The following CRTC1 variants were observed in gnomAD, a reference collection of about 807,000 sequenced individuals.
The protein encoded by CRTC1 is CREB regulated transcription coactivator 1.
A neutral mutation model predicts 66.1 loss-of-function variants in CRTC1; 18 were observed. The observed-to-expected ratio is 0.27, with a 90% CI of 0.19 to 0.40. The LOEUF (loss-of-function observed/expected upper bound fraction) is 0.40. CRTC1 is among the 10% of genes least tolerant of loss of function. The probability of loss-of-function intolerance (pLI) is 1.00; values close to 1 mark genes in which losing one functional copy is unlikely to be tolerated. For synonymous variants in CRTC1, 416 were observed against 398.8 expected, an observed-to-expected ratio of 1.04 and a Z score of -0.51; for missense variants, 669 against 887.9, an observed-to-expected ratio of 0.75 and a Z score of 3.13.
At chr19:18,772,461 AGCAGCCACTGCTGTGCCCGGGGCCCT>A (rs2054891285) in intron 11 of CRTC1, among the ~76,000 whole-genome samples, 1 of 152,176 alleles carries the variant, frequency 6.6e-6, no homozygotes, top group Non-Finnish European at 1.5e-5. Context: ...AGAAACCCCT[AGCAGCCACTGCTGTGCCCGGGGCCCT>A]GAAGCCATCC....
At position 18,709,221 on chromosome 19, in the gene CRTC1, A is replaced by G. The variant is rs112350612; in HGVS notation, c.126+25393A>G. Among the ~76,000 whole-genome samples, 17 of 152,216 alleles carry G rather than the reference A, an allele frequency of 1.1e-4. 1 individual carries two copies. Among genetic ancestry groups the G allele is most frequent in the African/African-American group, 4.1e-4 (17 of 41,534 alleles). ...GGGTGCACATGAGGAGGTGGTAGCC[A>G]AGGGGACAGGGCCTCCCAGCCTGGT... is the stretch of plus-strand genomic sequence containing the variant. On this transcript the variant is annotated intron_variant, in intron 1 of 13. Transcript: ENST00000321949.
At chr19:18,738,755 G>A (rs576438663) in intron 1 of CRTC1, among the ~76,000 whole-genome samples, 4 of 152,308 alleles carry the variant, frequency 2.6e-5, no homozygotes, top group East Asian at 3.9e-4. Context: ...AGCCGAGATC[G>A]CGCCATTACA....
chr19:18,778,386 GA>G lies in CRTC1; in HGVS notation c.*1007del, dbSNP rs986169859. On this transcript the variant is annotated 3_prime_UTR_variant, in exon 14 of 14. Coordinates refer to ENST00000321949, the MANE Select transcript of CRTC1 (RefSeq NM_015321.3). ...TGCCTGAGAGCATGTTTTTATTTCA[GA>G]AATCCAACTTTACCTATTTTTTAAG... 4 of 231,486 alleles carry G rather than the reference GA, an allele frequency of 1.7e-5. No individual in the cohort carries two copies. The highest frequency in any genetic ancestry group is 8.8e-5 in the African/African-American group (4 of 45,224). The allele number at this position is 231,486 out of a possible 1,614,324, so 14.3% of individuals were successfully genotyped here.
intron 9 of CRTC1, among the ~76,000 whole-genome samples, chr19:18,767,495 G>A (rs74787200): frequency 0.062 from 9,377 of 152,224 alleles, 370 homozygotes; most frequent in Non-Finnish European, 0.093. Flanking sequence ...CACCGCGCCC[G>A]TCACTTGTTT....
In CRTC1 at chr19:18,782,267, C is replaced by G. The variant is rs930450427; in HGVS notation, c.*4885C>G. ...GTCCCTGCCCCATCCTCTGGCAGGGCTGCTTTTGTCTTTGTACCTTTGCAT... is the reference window on the plus strand; with the variant it reads ...GTCCCTGCCCCATCCTCTGGCAGGGGTGCTTTTGTCTTTGTACCTTTGCAT... On this transcript the variant is annotated 3_prime_UTR_variant, in exon 14 of 14. Transcript: ENST00000321949. The G allele has an allele frequency of 1.3e-5, 3 of 222,702 alleles. No homozygotes were observed. The highest frequency in any genetic ancestry group is 2.7e-5 in the Non-Finnish European group (3 of 111,346). 13.8% of individuals were successfully genotyped at this position (222,702 alleles called of 1,614,324 possible).
Position 18,741,036 on chromosome 19 carries a change from AAAG to A in CRTC1, c.127-1871_127-1869del, listed in dbSNP as rs1169443177. Among the ~76,000 whole-genome samples, 1 of 152,118 alleles carries A rather than the reference AAAG, an allele frequency of 6.6e-6. No individual in the cohort carries two copies. Among genetic ancestry groups the A allele is most frequent in the Non-Finnish European group, 1.5e-5 (1 of 68,024 alleles). ...ACAAACAAACAACAACAACAACAAA[AAAG>A]AAAAGCAGAGTCCCCACTCAGTGTC... On this transcript the variant is annotated intron_variant, in intron 1 of 13. Coordinates refer to ENST00000321949, the MANE Select transcript of CRTC1 (RefSeq NM_015321.3). This position sits in a 1 kb window ranked among gnomAD's most constrained non-coding sequence, Gnocchi z 4.2.
chr19:18,757,877 G>A (rs1159320365), intron 6 of CRTC1, among the ~76,000 whole-genome samples: 2 of 150,848 alleles, frequency 1.3e-5, no homozygotes, highest in Non-Finnish European at 3.0e-5. Flanking sequence ...AATTAGCCGG[G>A]CGTGGTGGCG....
At position 18,765,443 on chromosome 19, in the gene CRTC1, C is replaced by A; in HGVS notation, c.926C>A (p.Ala309Asp). The change falls in exon 9 of 14, where the codon GCT becomes GAT. Residue 309 changes from alanine to aspartate, a missense_variant. Transcript: ENST00000321949. ...TPGSSPQHRPAGVSPLSLSTE... is the reference protein window; with the variant it reads ...TPGSSPQHRPDGVSPLSLSTE... ...GGCTCCTCTCCACAGCACCGCCCAG[C>A]TGGCGTCAGCCCCCTGTCCCTGAGC... The A allele has an allele frequency of 1.9e-6, 3 of 1,613,028 alleles. No homozygotes were observed. The highest frequency in any genetic ancestry group is 2.5e-6 in the Non-Finnish European group (3 of 1,179,850).
chr19:18,762,635 C>A (rs1267521130), intron 8 of CRTC1, among the ~76,000 whole-genome samples: 1 of 152,212 alleles, frequency 6.6e-6, no homozygotes, highest in Admixed American at 6.5e-5. Flanking sequence ...AGCTTTGAGG[C>A]CGGGCGGGCC....
intron 5 of CRTC1, among the ~76,000 whole-genome samples, chr19:18,752,741 A>G (rs1490163560): frequency 6.6e-6 from 1 of 151,702 alleles, no homozygotes; most frequent in Non-Finnish European, 1.5e-5. Flanking sequence ...CCCCGGTTCA[A>G]GCAATTCTGC....
intron 2 of CRTC1, among the ~76,000 whole-genome samples, chr19:18,743,293 G>T (rs1304457754): frequency 1.3e-5 from 2 of 152,264 alleles, no homozygotes; most frequent in East Asian, 3.8e-4. Flanking sequence ...CTGTTGGCCG[G>T]CTGTGCGGCA....
At chr19:18,722,140 C>T (rs12462498) in intron 1 of CRTC1, among the ~76,000 whole-genome samples, 36,348 of 152,224 alleles carry the variant, frequency 0.24, 4,929 homozygotes, top group East Asian at 0.6. Context: ...AGATGAGATT[C>T]ATCCCAGCCT....
At position 18,741,336 on chromosome 19, in the gene CRTC1, G is replaced by C. The variant is rs1421318937; in HGVS notation, c.127-1574G>C. Among the ~76,000 whole-genome samples the C allele has an allele frequency of 6.6e-6, 1 of 152,208 alleles. No homozygotes were observed. The highest frequency in any genetic ancestry group is 1.5e-5 in the Non-Finnish European group (1 of 68,034). On this transcript the variant is annotated intron_variant, in intron 1 of 13. Transcript: ENST00000321949. The surrounding 1 kb of genome is among the most constrained non-coding windows in gnomAD (Gnocchi z 4.2). ...CCCGTGTAGAAAGCACATGTGGCAT[G>C]AGTACCTGCTGTGTCACACGTCGTG... is the stretch of plus-strand genomic sequence containing the variant.
intron 9 of CRTC1, among the ~76,000 whole-genome samples, chr19:18,766,692 C>T (rs1193755528): frequency 2.0e-5 from 3 of 152,218 alleles, no homozygotes; most frequent in African/African-American, 7.2e-5. Context: ...GGCAATCTGC[C>T]CACCTCGGCC....
Position 18,753,484 on chromosome 19 carries a change from C to T in CRTC1, c.539-16C>T. On this transcript the variant is annotated splice_polypyrimidine_tract_variant and intron_variant, in intron 5 of 13. Transcript: ENST00000321949. ...TTTCTTCTCTGATTCTCCTTCTCCC[C>T]CTCCCACCTCCCCAGTCTTACTGTT... The T allele has an allele frequency of 6.3e-7, 1 of 1,585,538 alleles. No homozygotes were observed. The highest frequency in any genetic ancestry group is 8.6e-7 in the Non-Finnish European group (1 of 1,161,160).
intron 1 of CRTC1, among the ~76,000 whole-genome samples, chr19:18,707,836 A>T (rs1174896315): frequency 6.6e-6 from 1 of 152,176 alleles, no homozygotes. Context: ...CTCTATTTAA[A>T]ACAACAACAA....
chr19:18,765,646 C>A, intron 9 of CRTC1, 118 bp downstream of exon 9: 1 of 975,734 alleles, frequency 1.0e-6, no homozygotes, highest in Non-Finnish European at 1.5e-6. Flanking sequence ...GAGAATGCTC[C>A]CAACACTTTT....
intron 1 of CRTC1, among the ~76,000 whole-genome samples, chr19:18,701,459 G>A (rs1158741985): frequency 1.3e-5 from 2 of 152,262 alleles, no homozygotes; most frequent in Non-Finnish European, 2.9e-5. Flanking sequence ...GCTACTTGGG[G>A]CAACAGTGAG....
At chr19:18,722,240 G>T (rs1399225016) in intron 1 of CRTC1, among the ~76,000 whole-genome samples, 2 of 152,224 alleles carry the variant, frequency 1.3e-5, no homozygotes, top group African/African-American at 4.8e-5. Flanking sequence ...GGGCCCCTTG[G>T]CTGGGGAGAG....
Sources: gnomAD v4.1 joint callset for allele counts (sites outside exome capture counted in the v4.1 genomes callset) on GRCh38, gnomAD v4.1.1 for gene constraint, Gnocchi (gnomAD v3.1) non-coding constraint, MANE v1.5 for transcripts, NCBI Gene and HGNC (gene_info 2026-07-23, HGNC 2026-07-21) for gene names.